The following TDRD1 variants were observed in gnomAD, a reference collection of about 807,000 sequenced individuals.
The protein encoded by TDRD1 is tudor domain containing 1.
Under a neutral mutation model 140.6 loss-of-function variants are expected in TDRD1, and 37 were observed. The observed-to-expected ratio is 0.26, with a 90% CI of 0.20 to 0.35. TDRD1 has a LOEUF of 0.35. Among genes scored for constraint, TDRD1 ranks in the 10% least tolerant of loss-of-function variants. The pLI is 1.00. For synonymous variants in TDRD1, 506 were observed against 475.7 expected, an observed-to-expected ratio of 1.06 and a Z score of -0.83; for missense variants, 1,243 against 1,393.0, an observed-to-expected ratio of 0.89 and a Z score of 1.71.
At chr10:114,214,560 C>T (rs2035687780) in intron 16 of TDRD1, among the ~76,000 whole-genome samples, 2 of 152,058 alleles carry the variant, frequency 1.3e-5, no homozygotes, top group South Asian at 4.1e-4. Flanking sequence ...ACAAATTTAA[C>T]TTGTGTTGAA....
rs557759122 is a variant in TDRD1 at position 114,180,534 on chromosome 10, C to T, written c.-7+1118C>T. Among the ~76,000 whole-genome samples the T allele has an allele frequency of 2.6e-5, 4 of 152,208 alleles. No individual in the cohort carries two copies. The South Asian group carries it at 8.3e-4, about 32-fold the overall frequency. ...AGGCTGGAGTGCAATGGCGCGATCCCAGCTCACTGCAACCTCCGCCTCCCG... is the reference window on the plus strand; with the variant it reads ...AGGCTGGAGTGCAATGGCGCGATCCTAGCTCACTGCAACCTCCGCCTCCCG... On this transcript the variant is annotated intron_variant, in intron 1 of 25. Coordinates refer to ENST00000251864, the Ensembl canonical transcript of TDRD1.
chr10:114,176,661 T>A (rs2032702444), upstream of TDRD1, among the ~76,000 whole-genome samples: 1 of 152,222 alleles, frequency 6.6e-6, no homozygotes, highest in African/African-American at 2.4e-5. The surrounding 1 kb of genome is among the most constrained non-coding windows in gnomAD (Gnocchi z 4.2). Flanking sequence ...CTCACACTTG[T>A]AATCCCAGCT....
chr10:114,212,351 A>G (rs2035539406), intron 14 of TDRD1, among the ~76,000 whole-genome samples: 1 of 152,170 alleles, frequency 6.6e-6, no homozygotes, highest in African/African-American at 2.4e-5. Flanking sequence ...TCCTTAGGCT[A>G]CATTCCCACA....
upstream of TDRD1, among the ~76,000 whole-genome samples, chr10:114,175,345 A>G (rs928186821): frequency 5.3e-5 from 8 of 152,334 alleles, no homozygotes; most frequent in East Asian, 1.3e-3. Flanking sequence ...AAAGTATATA[A>G]ATATATCTTT....
Position 114,217,538 on chromosome 10 carries a change from T to G in TDRD1, c.2213-7T>G. 6.8e-7 allele frequency: 1 copy of G among 1,466,810 alleles called. No homozygotes were observed. The allele number at this position is 1,466,810 out of a possible 1,614,324, so 90.9% of individuals were successfully genotyped here. A position where few individuals can be genotyped will look rare whatever the true frequency, so the allele number is the denominator to read the frequency against. ...TCTTAATTTTTTAATCCTATGTGTA[T>G]TTTCAGCTTTAAAGAAACTCAATGA... On this transcript the variant is annotated splice_polypyrimidine_tract_variant and splice_region_variant and intron_variant, in intron 16 of 25. Transcript: ENST00000251864.
chr10:114,213,434 G>C lies in TDRD1; in HGVS notation c.1920G>C (p.Val640=), dbSNP rs751327853. The stretch of plus-strand genomic sequence containing the variant: ...AGAACAAAATAATCACAGTGAAAGT[G>C]GTGGACAAGTTGGAAAACAGTTCCC... Residue 640 remains valine, a synonymous_variant, in exon 15 of 26, where the codon GTG becomes GTC. Transcript: ENST00000251864. 1.9e-4 allele frequency: 312 copies of C among 1,613,926 alleles called. 1 individual carries two copies. Among genetic ancestry groups the C allele is most frequent in the Non-Finnish European group, 2.5e-4 (295 of 1,179,940 alleles).
chr10:114,180,065 C>G (rs933777038), intron 1 of TDRD1: 1 of 152,202 alleles, frequency 6.6e-6, no homozygotes, highest in Non-Finnish European at 1.5e-5. Flanking sequence ...CAACTTCCCA[C>G]GTCTCCCTTG....
At chr10:114,196,244 AT>A (rs1260360114) in intron 3 of TDRD1, among the ~76,000 whole-genome samples, 2 of 152,066 alleles carry the variant, frequency 1.3e-5, no homozygotes, top group Non-Finnish European at 2.9e-5. Context: ...AGCCCGGACT[AT>A]TGTGTTTTTC....
chr10:114,213,563 A>C lies in TDRD1; in HGVS notation c.2049A>C (p.Lys683Asn), dbSNP rs2035622520. Residue 683 changes from lysine to asparagine, a missense_variant, in exon 15 of 26, where the codon AAA (lysine) becomes AAC (asparagine). Physicochemically the swap from Lys to Asn is moderately conservative, Grantham distance 94. Coordinates refer to ENST00000251864, the Ensembl canonical transcript of TDRD1. ...GAGAACAGAGTATGGTGACAGATAA[A>C]CCCAGTGACGTGAAAGAAACCAGTG... 3 of 1,613,912 alleles carry C rather than the reference A, an allele frequency of 1.9e-6. No individual in the cohort carries two copies. The East Asian group carries it at 6.7e-5, about 36-fold the overall frequency.
At chr10:114,216,430 T>C (rs1305519992) in intron 16 of TDRD1, among the ~76,000 whole-genome samples, 2 of 152,216 alleles carry the variant, frequency 1.3e-5, no homozygotes, top group Non-Finnish European at 2.9e-5. Flanking sequence ...ATGAGCATCA[T>C]TGATCTTAAC....
chr10:114,198,945 C>T (rs1383125225), intron 3 of TDRD1, among the ~76,000 whole-genome samples: 1 of 152,192 alleles, frequency 6.6e-6, no homozygotes, highest in African/African-American at 2.4e-5. Flanking sequence ...ATCTTATTGC[C>T]ATGTCACTCT....
At chr10:114,183,887 G>A (rs1411112831) in intron 1 of TDRD1, among the ~76,000 whole-genome samples, 1 of 151,856 alleles carries the variant, frequency 6.6e-6, no homozygotes, top group Admixed American at 6.6e-5. Flanking sequence ...GAGATTACAC[G>A]TGTGAGCCAC....
In TDRD1 at chr10:114,221,338, G is replaced by A; in HGVS notation, c.2771-19G>A. The A allele has an allele frequency of 1.2e-6, 2 of 1,611,164 alleles. No homozygotes were observed. The highest frequency in any genetic ancestry group is 1.7e-6 in the Non-Finnish European group (2 of 1,178,334). ...ATTTTTTTTATTCCGTGTGAGACCT[G>A]TGTTTTGTATGTTTCCAGCTACCTC... On this transcript the variant is annotated intron_variant, in intron 19 of 25. Coordinates refer to ENST00000251864, the Ensembl canonical transcript of TDRD1.
chr10:114,204,687 T>A (rs1335037010), intron 9 of TDRD1, 35 bp from the exon 10 acceptor site: 2 of 1,564,754 alleles, frequency 1.3e-6, no homozygotes, highest in Non-Finnish European at 1.7e-6. Context: ...TTTTAAATGG[T>A]AATTTTTGTA....
At chr10:114,231,526 A>C (rs759946019) in exon 26 of TDRD1, 62 of 1,592,162 alleles carry the variant, frequency 3.9e-5, no homozygotes, top group Non-Finnish European at 4.9e-5. Flanking sequence ...GAGACAGGAA[A>C]CAGCAAAGGC....
intron 25 of TDRD1, among the ~76,000 whole-genome samples, chr10:114,229,709 C>A (rs1244749084): frequency 6.6e-6 from 1 of 151,258 alleles, no homozygotes; most frequent in Non-Finnish European, 1.5e-5. Flanking sequence ...CTGCCACACC[C>A]GGCTAATCTT....
At chr10:114,177,577 G>A (rs1357824936), upstream of TDRD1, among the ~76,000 whole-genome samples, 2 of 152,166 alleles carry the variant, frequency 1.3e-5, no homozygotes, top group Non-Finnish European at 2.9e-5. Flanking sequence ...AAGTCCCATG[G>A]CCAAGAAGAG....
chr10:114,211,326 A>C (rs924357258), intron 13 of TDRD1, among the ~76,000 whole-genome samples: 2 of 152,224 alleles, frequency 1.3e-5, no homozygotes, highest in African/African-American at 4.8e-5. Flanking sequence ...TTTTATTGAA[A>C]TAGCAAGAGG....
chr10:114,230,607 A>C (rs368107924), intron 25 of TDRD1, among the ~76,000 whole-genome samples: 1 of 152,228 alleles, frequency 6.6e-6, no homozygotes, highest in Non-Finnish European at 1.5e-5. Context: ...CTACGTGTAC[A>C]GTATCCTTTT....
Sources: gnomAD v4.1 joint callset for allele counts (sites outside exome capture counted in the v4.1 genomes callset) on GRCh38, gnomAD v4.1.1 for gene constraint, Gnocchi (gnomAD v3.1) non-coding constraint, MANE v1.5 for transcripts, NCBI Gene and HGNC (gene_info 2026-07-23, HGNC 2026-07-21) for gene names.